Variants in PFDN2 observed in about 807,000 individuals in gnomAD.
The protein encoded by PFDN2 is prefoldin subunit 2, also known as prefoldin 2.
A neutral mutation model predicts 18.3 loss-of-function variants in PFDN2; 7 were observed. The ratio of observed to expected loss-of-function variants is 0.38; its 90% CI spans 0.22 to 0.72. The LOEUF (loss-of-function observed/expected upper bound fraction) is 0.72. PFDN2 is among the 30% of genes least tolerant of loss of function. The pLI, the probability that PFDN2 is intolerant of heterozygous loss-of-function variation, is 0.47. For synonymous variants in PFDN2, 76 were observed against 75.0 expected (o/e 1.01, Z -0.07); for missense variants, 181 against 199.1 (o/e 0.91, Z 0.55).
In PFDN2 at chr1:161,100,805, G is replaced by T. The variant is rs1453216502; in HGVS notation, c.343C>A (p.Leu115Ile). Residue 115 changes from leucine to isoleucine, a missense_variant, in exon 4 of 4, where the codon CTA becomes ATA. Coordinates refer to ENST00000368010, the MANE Select transcript of PFDN2 (RefSeq NM_012394.4). ...TQQLQAKGKE[L>I]NEFREKHNIR... ...TTGTGCTTTTCCCGGAATTCATTTA[G>T]TTCTTTTCCCTTTGCCTGAAGCTGC... 1.9e-6 allele frequency: 3 copies of T among 1,613,718 alleles called. No individual in the cohort carries two copies. In the African/African-American group the frequency reaches 4.0e-5, roughly 22 times the overall value.
At chr1:161,104,427 C>CT (rs1181230866) in intron 1 of PFDN2, among the ~76,000 whole-genome samples, 1 of 151,428 alleles carries the variant, frequency 6.6e-6, no homozygotes, top group Non-Finnish European at 1.5e-5. Flanking sequence ...GGCCCTATCT[C>CT]TTTTTTTCTT....
chr1:161,112,901 T>TA (rs569560143), intron 1 of PFDN2, among the ~76,000 whole-genome samples: 3,370 of 121,890 alleles, frequency 0.028, 40 homozygotes, highest in Middle Eastern at 0.04. Context: ...ATAAAATATG[T>TA]AAAAAAAAAA....
At chr1:161,117,666 A>G (rs1654998297) in intron 1 of PFDN2, among the ~76,000 whole-genome samples, 1 of 152,178 alleles carries the variant, frequency 6.6e-6, no homozygotes, top group African/African-American at 2.4e-5. Flanking sequence ...AGATAGAGAA[A>G]GCAGCAAACC....
In PFDN2 at chr1:161,107,591, G is replaced by A. The variant is rs181676792; in HGVS notation, c.76-5216C>T. Among the ~76,000 whole-genome samples the A allele has an allele frequency of 1.1e-4, 17 of 152,254 alleles. No individual in the cohort carries two copies. In the East Asian group the frequency reaches 3.3e-3, roughly 29 times the overall value. On this transcript the variant is annotated intron_variant, in intron 1 of 3. Transcript: ENST00000368010. ...GCAGTTTGGTAGGCCAAGGCGGGCA[G>A]ATTACTTGAGGTCAGGAGTTCACGA...
At chr1:161,106,251 C>T (rs973526003) in intron 1 of PFDN2, among the ~76,000 whole-genome samples, 27 of 152,298 alleles carry the variant, frequency 1.8e-4, no homozygotes, top group African/African-American at 6.5e-4. Context: ...TGCCATGCTT[C>T]CTGTACAGCC....
intron 1 of PFDN2, among the ~76,000 whole-genome samples, chr1:161,102,956 CAAAA>C (rs1383337026): frequency 1.1e-5 from 1 of 91,910 alleles, no homozygotes. Flanking sequence ...AACTCCGTCT[CAAAA>C]AAAAAAAAAA....
At chr1:161,108,721 T>A (rs1654739097) in intron 1 of PFDN2, among the ~76,000 whole-genome samples, 1 of 152,176 alleles carries the variant, frequency 6.6e-6, no homozygotes, top group Non-Finnish European at 1.5e-5. Context: ...GCTAGAAAGC[T>A]CTCCAAGATG....
Position 161,102,054 on chromosome 1 carries a change from CTTG to C in PFDN2, c.279_281del (p.Asn93del). On this transcript the variant is annotated inframe_deletion, in exon 3 of 4. Coordinates refer to ENST00000368010, the MANE Select transcript of PFDN2 (RefSeq NM_012394.4). ...TTCAATGATTCTTGCTCACCTGCTC[CTTG>C]TTGTTCTCCAAAGCGGGCAGCACCT... is the stretch of plus-strand genomic sequence containing the variant. 1 of 1,614,206 alleles carries C rather than the reference CTTG, an allele frequency of 6.2e-7. No individual in the cohort carries two copies. The highest frequency in any genetic ancestry group is 8.5e-7 in the Non-Finnish European group (1 of 1,180,038).
chr1:161,100,689 G>C lies in PFDN2; in HGVS notation c.459C>G (p.Val153=), dbSNP rs113671942. Residue 153 remains valine, a synonymous_variant, in exon 4 of 4, where the codon GTC becomes GTG. Transcript: ENST00000368010. The part of the protein sequence containing the change: ...GAKASSAGVL[V]S The stretch of plus-strand genomic sequence containing the variant: ...AATGCAAAGGCCTTGGTCCCTAGGA[G>C]ACCAACACTCCAGCTGAGCTGGCCT... 1.2e-6 allele frequency: 2 copies of C among 1,611,670 alleles called. No individual in the cohort carries two copies. Among genetic ancestry groups the C allele is most frequent in the Non-Finnish European group, 1.7e-6 (2 of 1,178,726 alleles).
chr1:161,114,902 A>G (rs912548427), intron 1 of PFDN2, among the ~76,000 whole-genome samples: 1 of 152,216 alleles, frequency 6.6e-6, no homozygotes, highest in African/African-American at 2.4e-5. Flanking sequence ...ATTGTGCAGC[A>G]CACTATAAAT....
chr1:161,109,935 T>C (rs1441320995), intron 1 of PFDN2, among the ~76,000 whole-genome samples: 1 of 151,618 alleles, frequency 6.6e-6, no homozygotes, highest in Non-Finnish European at 1.5e-5. Context: ...GTGCCTGTAA[T>C]CCCAGTTACT....
At chr1:161,106,308 G>C (rs560276321) in intron 1 of PFDN2, among the ~76,000 whole-genome samples, 12 of 152,172 alleles carry the variant, frequency 7.9e-5, no homozygotes, top group African/African-American at 2.7e-4. Context: ...AAATTACCCA[G>C]TCTCAGGTAA....
chr1:161,113,357 C>T (rs1654846606), intron 1 of PFDN2, among the ~76,000 whole-genome samples: 1 of 152,170 alleles, frequency 6.6e-6, no homozygotes, highest in Admixed American at 6.5e-5. Context: ...TTCTTAAGTC[C>T]CTCATTTAAA....
In PFDN2 at chr1:161,100,835, T is replaced by A. The variant is rs1250463211; in HGVS notation, c.313A>T (p.Thr105Ser). The change falls in exon 4 of 4, where the codon ACA (threonine) becomes TCA (serine). Residue 105 changes from threonine to serine, a missense_variant. Thr to Ser is a moderately conservative substitution (Grantham distance 58). Transcript: ENST00000368010. ...TTTCCCTTTGCCTGAAGCTGCTGTG[T>A]CAGTGTCTCAATGATCTTCTGTATC... ...EQIQKIIETLTQQLQAKGKEL... is the reference protein window; with the variant it reads ...EQIQKIIETLSQQLQAKGKEL... 12 of 1,613,702 alleles carry A rather than the reference T, an allele frequency of 7.4e-6. No homozygotes were observed. In the Admixed American group the frequency reaches 2.0e-4, roughly 27 times the overall value.
At chr1:161,103,227 G>C (rs1654608032) in intron 1 of PFDN2, among the ~76,000 whole-genome samples, 1 of 152,150 alleles carries the variant, frequency 6.6e-6, no homozygotes, top group African/African-American at 2.4e-5. Flanking sequence ...ATAGAAGACA[G>C]CTGGAGTTAA....
At chr1:161,105,988 T>C (rs1654669036) in intron 1 of PFDN2, among the ~76,000 whole-genome samples, 1 of 152,142 alleles carries the variant, frequency 6.6e-6, no homozygotes, top group South Asian at 2.1e-4. Context: ...TATTGAAATA[T>C]AATCCCCAAC....
intron 1 of PFDN2, among the ~76,000 whole-genome samples, chr1:161,109,981 G>A (rs1255517670): frequency 6.6e-6 from 1 of 152,068 alleles, no homozygotes; most frequent in Non-Finnish European, 1.5e-5. Context: ...TTGAACCTGG[G>A]AGGCGGAAGT....
At chr1:161,111,103 G>A (rs1435711425) in intron 1 of PFDN2, among the ~76,000 whole-genome samples, 2 of 151,958 alleles carry the variant, frequency 1.3e-5, no homozygotes, top group Admixed American at 1.3e-4. Context: ...GCCTCCCAAA[G>A]TGCTGGGATT....
chr1:161,108,457 C>A (rs865877352), intron 1 of PFDN2, among the ~76,000 whole-genome samples: 154 of 127,784 alleles, frequency 1.2e-3, no homozygotes, highest in African/African-American at 1.6e-3. Context: ...AACTCCGTCT[C>A]AAAAAAAAAA....
Sources: allele counts gnomAD v4.1 joint callset (sites outside exome capture counted in the v4.1 genomes callset), GRCh38; gene constraint gnomAD v4.1.1; transcripts MANE v1.5; gene names NCBI Gene and HGNC (gene_info 2026-07-23, HGNC 2026-07-21).